CACNA1I: variants seen among roughly 807,000 people sequenced by gnomAD.
The protein encoded by CACNA1I is calcium voltage-gated channel subunit alpha1 I.
Under a neutral mutation model 201.6 loss-of-function variants are expected in CACNA1I, and 74 were observed. The observed-to-expected ratio is 0.37, with a 90% CI of 0.30 to 0.45. The LOEUF (loss-of-function observed/expected upper bound fraction) is 0.45. Among genes scored for constraint, CACNA1I ranks in the 20% least tolerant of loss-of-function variants. CACNA1I has a pLI of 1.00. For missense variants in CACNA1I, 2,346 were observed against 3,138.1 expected (o/e 0.75, Z 6.03); for synonymous variants, 1,431 against 1,345.2 (o/e 1.06, Z -1.40).
At position 39,646,553 on chromosome 22, in the gene CACNA1I, C is replaced by A; in HGVS notation, c.1150-16C>A. ...TCCCTGTCCCTGTCCCTGTCCTCTC[C>A]TCCCGTTGGTCACAGGTGGGCTCCT... On this transcript the variant is annotated splice_polypyrimidine_tract_variant and intron_variant, in intron 7 of 36. Coordinates refer to ENST00000402142, the MANE Select transcript of CACNA1I (RefSeq NM_021096.4). 6.5e-7 allele frequency: 1 copy of A among 1,527,606 alleles called. No homozygotes were observed. Among genetic ancestry groups the A allele is most frequent in the Non-Finnish European group, 8.8e-7 (1 of 1,133,510 alleles). The allele number at this position is 1,527,606 out of a possible 1,614,324, so 94.6% of individuals were successfully genotyped here. A position where few individuals can be genotyped will look rare whatever the true frequency, so the allele number is the denominator to read the frequency against.
At chr22:39,579,205 C>T (rs1490685585) in intron 1 of CACNA1I, among the ~76,000 whole-genome samples, 1 of 152,242 alleles carries the variant, frequency 6.6e-6, no homozygotes, top group Non-Finnish European at 1.5e-5. Flanking sequence ...GAGCTCTTCC[C>T]CACCTACCAT....
intron 1 of CACNA1I, among the ~76,000 whole-genome samples, chr22:39,588,990 A>G (rs1932791602): frequency 6.6e-6 from 1 of 152,150 alleles, no homozygotes; most frequent in Admixed American, 6.5e-5. Context: ...CTTCTCATGC[A>G]TGGCACTGGT....
At chr22:39,682,308 G>A (rs541056483) in intron 34 of CACNA1I, among the ~76,000 whole-genome samples, 188 bp from the exon 35 acceptor site, 20 of 152,348 alleles carry the variant, frequency 1.3e-4, no homozygotes, top group South Asian at 1.0e-3. Context: ...GGCATCCAGT[G>A]GGCATTCGGA....
intron 4 of CACNA1I, among the ~76,000 whole-genome samples, chr22:39,627,113 C>T (rs1009311248): frequency 2.2e-4 from 34 of 152,236 alleles, no homozygotes; most frequent in African/African-American, 6.7e-4. Context: ...AGCGTGTAGG[C>T]GCCAGACACC....
chr22:39,601,932 GCCTT>G (rs777474758), intron 3 of CACNA1I, among the ~76,000 whole-genome samples: 18 of 15,458 alleles, frequency 1.2e-3, no homozygotes, highest in Non-Finnish European at 1.7e-3. Context: ...CTTCCTTCCT[GCCTT>G]CCTTCCTTCC....
chr22:39,594,985 C>G (rs770136596), intron 1 of CACNA1I, among the ~76,000 whole-genome samples: 40 of 152,120 alleles, frequency 2.6e-4, no homozygotes, highest in Admixed American at 8.5e-4. Context: ...TGAGTAGCAA[C>G]CAATAATAAA....
At chr22:39,602,962 G>A (rs1933110716) in intron 3 of CACNA1I, among the ~76,000 whole-genome samples, 1 of 151,848 alleles carries the variant, frequency 6.6e-6, no homozygotes, top group South Asian at 2.1e-4. Flanking sequence ...GACCAGCCTG[G>A]GCAACATAGT....
At chr22:39,672,128 C>A in intron 26 of CACNA1I, 71 bp from the exon 27 acceptor site, 1 of 918,892 alleles carries the variant, frequency 1.1e-6, no homozygotes, top group South Asian at 1.4e-5. Flanking sequence ...AAGGCAGAGA[C>A]TTTCTGAGTG....
chr22:39,605,617 A>G (rs1374398706), intron 3 of CACNA1I, among the ~76,000 whole-genome samples: 1 of 152,254 alleles, frequency 6.6e-6, no homozygotes, highest in Non-Finnish European at 1.5e-5. Flanking sequence ...GAAAACAGAA[A>G]TAAAACACAT....
chr22:39,636,560 G>A (rs1934224623), intron 5 of CACNA1I, among the ~76,000 whole-genome samples: 1 of 152,206 alleles, frequency 6.6e-6, no homozygotes, highest in South Asian at 2.1e-4. Context: ...CTGGTGGAGA[G>A]CAAGGCCAGG....
chr22:39,642,836 G>C lies in CACNA1I; in HGVS notation c.1096G>C (p.Val366Leu). Residue 366 changes from valine (V) to leucine (L), a missense_variant, in exon 7 of 37, where the codon GTG becomes CTG. Val to Leu is a conservative substitution (Grantham distance 32). Transcript: ENST00000402142. ...LEGWVEIMYYVMDAHSFYNFI... is the reference protein window; with the variant it reads ...LEGWVEIMYYLMDAHSFYNFI... ...AGGCTGGGTGGAGATCATGTACTAC[G>C]TGATGGATGCTCACTCCTTCTACAA... 1 of 1,611,870 alleles carries C rather than the reference G, an allele frequency of 6.2e-7. No individual in the cohort carries two copies. The highest frequency in any genetic ancestry group is 8.5e-7 in the Non-Finnish European group (1 of 1,178,920).
In CACNA1I at chr22:39,676,365, G is replaced by A. The variant is rs1396446196; in HGVS notation, c.4855-976G>A. ...GTAGAACGGCTGGCCAGGAAACCCT[G>A]CTCTGGAGTGGAGCGGAGAAACTCG... On this transcript the variant is annotated intron_variant, in intron 29 of 36. Coordinates refer to ENST00000402142, the MANE Select transcript of CACNA1I (RefSeq NM_021096.4). This position sits in a 1 kb window ranked among gnomAD's most constrained non-coding sequence, Gnocchi z 4.8. 6.6e-6 allele frequency among the ~76,000 whole-genome samples: 1 copy of A among 151,340 alleles called. No individual in the cohort carries two copies. The highest frequency in any genetic ancestry group is 1.5e-5 in the Non-Finnish European group (1 of 67,782).
rs578161449 is a variant in CACNA1I, at chr22:39,659,953, T to A, written c.2604+101T>A. 1.3e-4 allele frequency: 173 copies of A among 1,350,638 alleles called. No individual in the cohort carries two copies. In the African/African-American group the frequency reaches 2.1e-3, roughly 16 times the overall value. The allele number at this position is 1,350,638 out of a possible 1,614,324, so 83.7% of individuals were successfully genotyped here. On this transcript the variant is annotated intron_variant, in intron 14 of 36. Coordinates refer to ENST00000402142, the MANE Select transcript of CACNA1I (RefSeq NM_021096.4). This position sits in a 1 kb window ranked among gnomAD's most constrained non-coding sequence, Gnocchi z 4.3. ...GGGGGAGGGCTGCAATTCAAACTTCTAGCAGGCAACCTATCCCTAAAGGAG... is the reference window on the plus strand; with the variant it reads ...GGGGGAGGGCTGCAATTCAAACTTCAAGCAGGCAACCTATCCCTAAAGGAG...
intron 33 of CACNA1I, among the ~76,000 whole-genome samples, chr22:39,680,278 C>T (rs1407880576): frequency 6.6e-6 from 1 of 152,212 alleles, no homozygotes; most frequent in African/African-American, 2.4e-5. Flanking sequence ...TGGCCTCCAC[C>T]TCAGGGCTTA....
chr22:39,596,577 G>A (rs1197061565), intron 1 of CACNA1I, among the ~76,000 whole-genome samples: 1 of 151,662 alleles, frequency 6.6e-6, no homozygotes, highest in African/African-American at 2.4e-5. Context: ...GGGTGTCAGA[G>A]TGGGGCCCTG....
At position 39,679,417 on chromosome 22, in the gene CACNA1I, T is replaced by C. The variant is rs1226992907; in HGVS notation, c.5366T>C (p.Leu1789Ser). Residue 1789 changes from leucine to serine, a missense_variant, in exon 32 of 37, where the codon TTG becomes TCG. This residue lies in a region of CACNA1I where 441 missense variants were observed against 555.6 expected (regional missense o/e 0.79). Transcript: ENST00000402142. Reference sequence around the variant, plus strand: ...GGCGGGGGCGACACCGAGGGCGGCTTGTGCCGGCGCTGCTACTCGCCTGCC... The same window carrying C: ...GGCGGGGGCGACACCGAGGGCGGCTCGTGCCGGCGCTGCTACTCGCCTGCC... ...AGGGGDTEGG[L>S]CRRCYSPAQE... 4.9e-6 allele frequency: 7 copies of C among 1,431,804 alleles called. No homozygotes were observed. The highest frequency in any genetic ancestry group is 6.3e-6 in the Non-Finnish European group (7 of 1,105,784). The allele number at this position is 1,431,804 out of a possible 1,614,324, so 88.7% of individuals were successfully genotyped here.
chr22:39,665,494 T>C lies in CACNA1I; in HGVS notation c.3852-4T>C. The C allele has an allele frequency of 6.2e-7, 1 of 1,613,458 alleles. No individual in the cohort carries two copies. Among genetic ancestry groups the C allele is most frequent in the Non-Finnish European group, 8.5e-7 (1 of 1,179,694 alleles). ...ATGTGTGCCTGGCCTCTCCCTGCCGTCAGTGTCATCAGCCGGGCGCCGGGC... is the reference window on the plus strand; with the variant it reads ...ATGTGTGCCTGGCCTCTCCCTGCCGCCAGTGTCATCAGCCGGGCGCCGGGC... On this transcript the variant is annotated splice_polypyrimidine_tract_variant and splice_region_variant and intron_variant, in intron 21 of 36. Coordinates refer to ENST00000402142, the MANE Select transcript of CACNA1I (RefSeq NM_021096.4). The surrounding 1 kb of genome is among the most constrained non-coding windows in gnomAD (Gnocchi z 5.5).
chr22:39,590,111 C>T (rs932767770), intron 1 of CACNA1I, among the ~76,000 whole-genome samples: 1 of 152,102 alleles, frequency 6.6e-6, no homozygotes, highest in Non-Finnish European at 1.5e-5. Flanking sequence ...AGGGCCTGCC[C>T]GGGCGCCGGG....
chr22:39,663,601 TA>T, intron 18 of CACNA1I, 116 bp from the exon 19 acceptor site: 1 of 1,201,426 alleles, frequency 8.3e-7, no homozygotes, highest in Middle Eastern at 2.2e-4. Context: ...GAGGAGAGGA[TA>T]GGGGTTGCTT....
Sources: allele counts gnomAD v4.1 joint callset (sites outside exome capture counted in the v4.1 genomes callset), GRCh38; gene constraint gnomAD v4.1.1; regional missense constraint gnomAD v4.1.1; non-coding constraint Gnocchi (gnomAD v3.1); transcripts MANE v1.5; gene names NCBI Gene and HGNC (gene_info 2026-07-23, HGNC 2026-07-21).